FOXP2: variants seen among roughly 807,000 people sequenced by gnomAD.
FOXP2 encodes forkhead box protein P2.
A neutral mutation model predicts 115.8 loss-of-function variants in FOXP2; 12 were observed. That is an observed-to-expected ratio of 0.10 (90% CI 0.07 to 0.17). The LOEUF (loss-of-function observed/expected upper bound fraction) is 0.17. Ranked by LOEUF, FOXP2 falls within the 10% of genes least tolerant of loss-of-function variation. The pLI is 1.00. For missense variants in FOXP2, 629 were observed against 843.5 expected, an observed-to-expected ratio of 0.75 and a Z score of 3.15; for synonymous variants, 328 against 297.7, an observed-to-expected ratio of 1.10 and a Z score of -1.05.
intron 1 of FOXP2, among the ~76,000 whole-genome samples, chr7:114,100,372 TAA>T (rs1799751631): frequency 2.0e-5 from 3 of 152,318 alleles, no homozygotes; most frequent in African/African-American, 4.8e-5. Flanking sequence ...TACCGTACTA[TAA>T]GTGTTGCCTA....
intron 3 of FOXP2, among the ~76,000 whole-genome samples, chr7:114,587,417 G>C (rs765097818): frequency 6.6e-6 from 1 of 152,064 alleles, no homozygotes; most frequent in African/African-American, 2.4e-5. Flanking sequence ...CTTAATCCAT[G>C]TCCCTGCACA....
At chr7:114,333,627 C>T (rs1349245374) in intron 2 of FOXP2, among the ~76,000 whole-genome samples, 4 of 152,140 alleles carry the variant, frequency 2.6e-5, no homozygotes, top group African/African-American at 9.7e-5. Context: ...GTGGCACATG[C>T]CTAGAGTGCA....
chr7:114,359,032 G>T (rs1414319921), intron 2 of FOXP2, among the ~76,000 whole-genome samples: 1 of 152,148 alleles, frequency 6.6e-6, no homozygotes, highest in Non-Finnish European at 1.5e-5. Flanking sequence ...GCTTATCAAA[G>T]GTCTTCACAG....
chr7:114,384,653 G>A (rs947877552), intron 2 of FOXP2, among the ~76,000 whole-genome samples: 3 of 152,022 alleles, frequency 2.0e-5, no homozygotes, highest in Non-Finnish European at 4.4e-5. Flanking sequence ...TGGGTTAAGG[G>A]AATTATCAGT....
intron 2 of FOXP2, among the ~76,000 whole-genome samples, chr7:114,344,856 C>A (rs1249461612): frequency 6.6e-6 from 1 of 151,642 alleles, no homozygotes; most frequent in African/African-American, 2.4e-5. Flanking sequence ...ATTAAAGCAT[C>A]CAAATTTTAC....
chr7:114,285,007 A>G (rs1272848349), intron 1 of FOXP2, among the ~76,000 whole-genome samples: 1 of 152,090 alleles, frequency 6.6e-6, no homozygotes, highest in Non-Finnish European at 1.5e-5. Context: ...AAGGGGAACA[A>G]CAGATACTGC....
At chr7:114,500,517 T>C (rs1797522797) in intron 2 of FOXP2, among the ~76,000 whole-genome samples, 1 of 152,156 alleles carries the variant, frequency 6.6e-6, no homozygotes, top group South Asian at 2.1e-4. Flanking sequence ...TTATATTTTA[T>C]ATGTTATCTA....
chr7:114,285,200 T>C (rs1452144104), intron 1 of FOXP2, among the ~76,000 whole-genome samples: 1 of 152,074 alleles, frequency 6.6e-6, no homozygotes, highest in African/African-American at 2.4e-5. Context: ...GTTTTTTGGG[T>C]TTTTTTGGTA....
Position 114,202,470 on chromosome 7 carries a change from A to G in FOXP2, c.-102+39382A>G, listed in dbSNP as rs748559450. Reference sequence around the variant, plus strand: ...TTCACACCTGAACACTGCATCTGAAATTTTGAAACCCAAATTCCAGACCTG... The same window carrying G: ...TTCACACCTGAACACTGCATCTGAAGTTTTGAAACCCAAATTCCAGACCTG... On this transcript the variant is annotated intron_variant, in intron 1 of 17. Coordinates refer to the FOXP2 transcript ENST00000634411. Among the ~76,000 whole-genome samples, 68 of 152,210 alleles carry G rather than the reference A, an allele frequency of 4.5e-4. 1 individual carries two copies. The highest frequency in any genetic ancestry group is 1.3e-4 in the Non-Finnish European group (9 of 68,040).
chr7:114,205,543 C>T (rs1472922350), intron 1 of FOXP2, among the ~76,000 whole-genome samples: 1 of 151,898 alleles, frequency 6.6e-6, no homozygotes, highest in East Asian at 1.9e-4. Flanking sequence ...AGAAAGTAAC[C>T]CCAAGGACTG....
chr7:114,544,319 C>G (rs1007108428), intron 3 of FOXP2, among the ~76,000 whole-genome samples: 2 of 152,144 alleles, frequency 1.3e-5, no homozygotes, highest in African/African-American at 4.8e-5. Flanking sequence ...ACCCTGCCCC[C>G]ACCCAGTTAG....
intron 1 of FOXP2, among the ~76,000 whole-genome samples, chr7:114,116,605 G>T (rs1304899209): frequency 6.6e-6 from 1 of 152,000 alleles, no homozygotes; most frequent in Non-Finnish European, 1.5e-5. Flanking sequence ...AGAAAATAGG[G>T]ATAAGAGTCA....
chr7:114,550,899 G>T, intron 3 of FOXP2, among the ~76,000 whole-genome samples: 1 of 152,156 alleles, frequency 6.6e-6, no homozygotes, highest in East Asian at 1.9e-4. Flanking sequence ...AATTATGTTA[G>T]TGTTTGATAT....
At chr7:114,383,868 G>A (rs1418625476) in intron 2 of FOXP2, among the ~76,000 whole-genome samples, 1 of 152,074 alleles carries the variant, frequency 6.6e-6, no homozygotes, top group African/African-American at 2.4e-5. Context: ...TCCTCTAAGG[G>A]CCTAATGCTT....
intron 3 of FOXP2, among the ~76,000 whole-genome samples, chr7:114,572,093 A>C (rs1377202774): frequency 6.6e-6 from 1 of 151,876 alleles, no homozygotes; most frequent in Non-Finnish European, 1.5e-5. Context: ...GGTTAAAAAG[A>C]CAGAAAATGT....
Position 114,393,660 on chromosome 7 carries a change from G to A in FOXP2, c.-10-32842G>A, listed in dbSNP as rs186293799. Among the ~76,000 whole-genome samples the A allele has an allele frequency of 7.8e-4, 118 of 152,190 alleles. 1 individual carries two copies. Among genetic ancestry groups the A allele is most frequent in the African/African-American group, 2.8e-3 (115 of 41,516 alleles). On this transcript the variant is annotated intron_variant, in intron 2 of 17. Transcript: ENST00000634411. ...TCAGAGCCTCAGCAGCATGAAGAAG[G>A]CATCTATGTGGAAGAACAGCCTGGC...
At chr7:114,568,211 T>C (rs923496805) in intron 3 of FOXP2, among the ~76,000 whole-genome samples, 1 of 152,056 alleles carries the variant, frequency 6.6e-6, no homozygotes, top group Non-Finnish European at 1.5e-5. Context: ...TTCCTATGGA[T>C]AGATTAATGA....
At chr7:114,267,124 T>G (rs1795914000) in intron 1 of FOXP2, among the ~76,000 whole-genome samples, 1 of 152,142 alleles carries the variant, frequency 6.6e-6, no homozygotes, top group African/African-American at 2.4e-5. Flanking sequence ...CAAATCCTAT[T>G]CTTCTTGCCA....
At chr7:114,476,603 G>A (rs538605040) in intron 2 of FOXP2, among the ~76,000 whole-genome samples, 1 of 151,776 alleles carries the variant, frequency 6.6e-6, no homozygotes, top group East Asian at 1.9e-4. Flanking sequence ...GGCTATTCAG[G>A]CTCTTTTTTT....
Sources: allele counts gnomAD v4.1 joint callset (sites outside exome capture counted in the v4.1 genomes callset), GRCh38; gene constraint gnomAD v4.1.1; transcripts MANE v1.5; gene names NCBI Gene and HGNC (gene_info 2026-07-23, HGNC 2026-07-21).